CHST11: variants seen among roughly 807,000 people sequenced by gnomAD.
CHST11 encodes the protein carbohydrate sulfotransferase 11.
In CHST11, 9 loss-of-function variants were observed where a neutral mutation model predicts 30.4. The ratio of observed to expected loss-of-function variants is 0.30; its 90% CI spans 0.18 to 0.52. The LOEUF is 0.52. CHST11 is among the 20% of genes least tolerant of loss of function. The pLI is 0.97. For synonymous variants in CHST11, 152 were observed against 187.8 expected, an observed-to-expected ratio of 0.81 and a Z score of 1.56; for missense variants, 348 against 460.6, an observed-to-expected ratio of 0.76 and a Z score of 2.24.
At chr12:104,661,398 C>A (rs548992410) in intron 2 of CHST11, among the ~76,000 whole-genome samples, 33 of 152,060 alleles carry the variant, frequency 2.2e-4, no homozygotes, top group African/African-American at 7.7e-4. Context: ...ACTACTACTA[C>A]TACTACTAAT....
At chr12:104,630,008 A>G (rs1432095431) in intron 2 of CHST11, among the ~76,000 whole-genome samples, 1 of 152,156 alleles carries the variant, frequency 6.6e-6, no homozygotes, top group African/African-American at 2.4e-5. Context: ...AAGCCAACCC[A>G]TTGTTAAGTT....
intron 2 of CHST11, among the ~76,000 whole-genome samples, chr12:104,670,720 C>T (rs776529797): frequency 2.7e-5 from 4 of 150,230 alleles, no homozygotes; most frequent in Admixed American, 6.6e-5. Context: ...ACATACACAC[C>T]ACATATACAC....
intron 2 of CHST11, among the ~76,000 whole-genome samples, chr12:104,673,849 C>G (rs2039717174): frequency 6.6e-6 from 1 of 152,216 alleles, no homozygotes; most frequent in East Asian, 1.9e-4. Context: ...ATGTGGTCAG[C>G]CTCGTGACAC....
chr12:104,535,383 C>CA (rs1392568171), intron 1 of CHST11, among the ~76,000 whole-genome samples: 2 of 152,174 alleles, frequency 1.3e-5, no homozygotes, highest in Non-Finnish European at 2.9e-5. Flanking sequence ...CATGGGCTGC[C>CA]ATGCACTGGG....
chr12:104,641,981 G>A (rs2039381276), intron 2 of CHST11, among the ~76,000 whole-genome samples: 1 of 152,182 alleles, frequency 6.6e-6, no homozygotes, highest in East Asian at 1.9e-4. Flanking sequence ...TGTCAGAGCT[G>A]GGGAGCTGCT....
chr12:104,717,443 C>T (rs1043667449), intron 2 of CHST11, among the ~76,000 whole-genome samples: 1 of 151,910 alleles, frequency 6.6e-6, no homozygotes, highest in African/African-American at 2.4e-5. Flanking sequence ...AGTCATTTTC[C>T]GGGGATGGTC....
chr12:104,574,033 G>A (rs1006147662), intron 1 of CHST11, among the ~76,000 whole-genome samples: 64 of 151,860 alleles, frequency 4.2e-4, no homozygotes, highest in Non-Finnish European at 8.0e-4. Context: ...AAACAACCCC[G>A]TCAACAAGTG....
At chr12:104,641,087 C>T (rs896134448) in intron 2 of CHST11, among the ~76,000 whole-genome samples, 6 of 152,118 alleles carry the variant, frequency 3.9e-5, no homozygotes, top group South Asian at 2.1e-4. Context: ...TGAGTCCAAT[C>T]GGGGACCACT....
At chr12:104,740,767 T>C (rs1275644757) in intron 2 of CHST11, among the ~76,000 whole-genome samples, 1 of 152,192 alleles carries the variant, frequency 6.6e-6, no homozygotes, top group Non-Finnish European at 1.5e-5. Context: ...GTCCCTGCCA[T>C]TGTGTGTGAC....
chr12:104,501,354 C>A (rs746313170), intron 1 of CHST11, among the ~76,000 whole-genome samples: 8 of 152,174 alleles, frequency 5.3e-5, no homozygotes, highest in Non-Finnish European at 1.0e-4. Flanking sequence ...CAGGAAGTAA[C>A]AAGAGGGCAC....
intron 2 of CHST11, among the ~76,000 whole-genome samples, chr12:104,641,091 G>A (rs1482637813): frequency 6.6e-6 from 1 of 152,102 alleles, no homozygotes; most frequent in Non-Finnish European, 1.5e-5. Flanking sequence ...TCCAATCGGG[G>A]ACCACTGGAC....
At chr12:104,473,089 G>A (rs1462442108) in intron 1 of CHST11, among the ~76,000 whole-genome samples, 3 of 152,136 alleles carry the variant, frequency 2.0e-5, no homozygotes, top group Admixed American at 6.5e-5. Flanking sequence ...TTTTTCAGAT[G>A]ATGAAATTTA....
rs770441229 is a variant in CHST11, at chr12:104,475,658, T to TTTTA, written c.118+18130_118+18131insTTAT. Among the ~76,000 whole-genome samples, 69 of 34,164 alleles carry TTTTA rather than the reference T, an allele frequency of 2.0e-3. 4 individuals carry two copies. In the East Asian group the frequency reaches 0.051, roughly 25 times the overall value. The allele number at this position is 34,164 out of a possible 152,430, so 22.4% of individuals were successfully genotyped here. On this transcript the variant is annotated intron_variant, in intron 1 of 2. Coordinates refer to ENST00000303694, the MANE Select transcript of CHST11 (RefSeq NM_018413.6). The stretch of plus-strand genomic sequence containing the variant: ...TATGATGCCTCAGAGTAAAGCAGCA[T>TTTTA]TATATATATATATATATATATATAT...
At chr12:104,639,466 G>A (rs1373667863) in intron 2 of CHST11, among the ~76,000 whole-genome samples, 3 of 152,136 alleles carry the variant, frequency 2.0e-5, no homozygotes, top group African/African-American at 7.2e-5. Context: ...CTGTGATGAT[G>A]GATTTTCCTA....
chr12:104,749,562 A>G (rs1009653335), intron 2 of CHST11, among the ~76,000 whole-genome samples: 7 of 152,188 alleles, frequency 4.6e-5, no homozygotes, highest in South Asian at 2.1e-4. Context: ...TCTTTGTAAA[A>G]TTGATCAAAC....
chr12:104,650,171 A>T (rs922484971), intron 2 of CHST11, among the ~76,000 whole-genome samples: 1 of 152,164 alleles, frequency 6.6e-6, no homozygotes, highest in African/African-American at 2.4e-5. Flanking sequence ...GTGTAGCAAA[A>T]AATTTAGGAA....
chr12:104,540,986 C>G, intron 1 of CHST11, among the ~76,000 whole-genome samples: 1 of 152,118 alleles, frequency 6.6e-6, no homozygotes, highest in African/African-American at 2.4e-5. Flanking sequence ...AAGCAAAGAG[C>G]CAGTGGCAGA....
At chr12:104,505,459 T>C (rs1236755187) in intron 1 of CHST11, among the ~76,000 whole-genome samples, 1 of 152,114 alleles carries the variant, frequency 6.6e-6, no homozygotes, top group Non-Finnish European at 1.5e-5. Context: ...AGGTCTGGGG[T>C]GTGGCCTGAG....
At chr12:104,590,793 A>T (rs1404365791) in intron 1 of CHST11, among the ~76,000 whole-genome samples, 1 of 152,144 alleles carries the variant, frequency 6.6e-6, no homozygotes, top group Non-Finnish European at 1.5e-5. Flanking sequence ...ATGGTGGCAC[A>T]CGCCTGTAAT....
Sources: gnomAD v4.1 joint callset for allele counts (sites outside exome capture counted in the v4.1 genomes callset) on GRCh38, gnomAD v4.1.1 for gene constraint, MANE v1.5 for transcripts, NCBI Gene and HGNC (gene_info 2026-07-23, HGNC 2026-07-21) for gene names.